ADAMTSL1: variants seen among roughly 807,000 people sequenced by gnomAD.
The protein encoded by ADAMTSL1 is ADAMTS-like protein 1.
In ADAMTSL1, 126 loss-of-function variants were observed where a neutral mutation model predicts 201.8. The observed-to-expected ratio is 0.62, with a 90% confidence interval of 0.54 to 0.72. ADAMTSL1 has a LOEUF of 0.72. Among genes scored for constraint, ADAMTSL1 ranks in the 30% least tolerant of loss-of-function variants. The probability of loss-of-function intolerance (pLI) is 0.00; values close to 1 mark genes in which losing one functional copy is unlikely to be tolerated. For synonymous variants in ADAMTSL1, 1,121 were observed against 903.4 expected (o/e 1.24, Z -4.32); for missense variants, 2,679 against 2,277.8 (o/e 1.18, Z -3.59).
intron 1 of ADAMTSL1, among the ~76,000 whole-genome samples, chr9:18,036,693 C>T (rs1236203093): frequency 1.6e-4 from 25 of 152,144 alleles, no homozygotes; most frequent in Non-Finnish European, 2.9e-5. Flanking sequence ...CAGATATCTT[C>T]GTTTGGTAAA....
At chr9:18,710,854 C>T (rs1354731819) in intron 14 of ADAMTSL1, among the ~76,000 whole-genome samples, 1 of 151,920 alleles carries the variant, frequency 6.6e-6, no homozygotes, top group Non-Finnish European at 1.5e-5. Flanking sequence ...CATTGTTAAA[C>T]AAAACAGCAA....
At chr9:18,579,339 C>G (rs1428998526) in intron 4 of ADAMTSL1, among the ~76,000 whole-genome samples, 1 of 106,844 alleles carries the variant, frequency 9.4e-6, no homozygotes, top group South Asian at 3.3e-4. Context: ...ACGCTGGGGA[C>G]TGTGGTGGGG....
chr9:18,485,133 A>G (rs1821922134), intron 1 of ADAMTSL1, among the ~76,000 whole-genome samples: 1 of 152,192 alleles, frequency 6.6e-6, no homozygotes, highest in African/African-American at 2.4e-5. Context: ...TGAGGCACAG[A>G]GAGGTTATGT....
chr9:18,007,607 A>T (rs146789905), intron 1 of ADAMTSL1, among the ~76,000 whole-genome samples: 2 of 152,104 alleles, frequency 1.3e-5, no homozygotes, highest in Non-Finnish European at 2.9e-5. Context: ...CCCAGAGTGC[A>T]TGATTTATAC....
chr9:18,087,287 T>C (rs10756931), intron 1 of ADAMTSL1, among the ~76,000 whole-genome samples: 6,061 of 152,240 alleles, frequency 0.04, 413 homozygotes, highest in East Asian at 0.36. Context: ...TTAAGCAAAA[T>C]ATATTTAACA....
intron 2 of ADAMTSL1, among the ~76,000 whole-genome samples, chr9:18,522,382 T>C (rs1818751998): frequency 1.3e-5 from 2 of 152,198 alleles, no homozygotes; most frequent in Non-Finnish European, 2.9e-5. Flanking sequence ...TTCTCTCAGT[T>C]GTTCTCACAA....
chr9:18,417,063 A>C (rs985556069), intron 2 of ADAMTSL1, among the ~76,000 whole-genome samples: 5 of 152,070 alleles, frequency 3.3e-5, no homozygotes, highest in African/African-American at 1.2e-4. Context: ...CAACTCACAC[A>C]AAGTATGTTT....
At chr9:18,262,241 G>A (rs937642236) in intron 2 of ADAMTSL1, among the ~76,000 whole-genome samples, 1 of 152,070 alleles carries the variant, frequency 6.6e-6, no homozygotes, top group Non-Finnish European at 1.5e-5. Flanking sequence ...AGGAGCTAAG[G>A]ATCATATATT....
At chr9:18,403,154 A>ATG (rs1386969608) in intron 2 of ADAMTSL1, among the ~76,000 whole-genome samples, 2 of 150,578 alleles carry the variant, frequency 1.3e-5, no homozygotes, top group African/African-American at 5.0e-5. Context: ...TTTTCTTGTA[A>ATG]TCTTTTTTTT....
intron 2 of ADAMTSL1, among the ~76,000 whole-genome samples, chr9:18,239,641 G>A (rs551591559): frequency 6.6e-6 from 1 of 152,148 alleles, no homozygotes; most frequent in African/African-American, 2.4e-5. Context: ...CTAGCTACTC[G>A]GGAGGCTGAG....
Position 18,908,489 on chromosome 9 carries a change from AAACTCTGCC to A in ADAMTSL1, c.5236_5244del (p.Cys1746_Leu1748del). 1 of 1,564,740 alleles carries A rather than the reference AAACTCTGCC, an allele frequency of 6.4e-7. No individual in the cohort carries two copies. Among genetic ancestry groups the A allele is most frequent in the Non-Finnish European group, 8.7e-7 (1 of 1,154,710 alleles). On this transcript the variant is annotated inframe_deletion, in exon 29 of 29. Coordinates refer to ENST00000380548, the MANE Select transcript of ADAMTSL1 (RefSeq NM_001040272.6). ...GTACTGCGAGAAGGTGAAACAGCTG[AAACTCTGCC>A]AACTCAGCCAGTTTAAATCTCGCTG...
chr9:18,438,315 G>T (rs557539276), intron 2 of ADAMTSL1, among the ~76,000 whole-genome samples: 14 of 152,206 alleles, frequency 9.2e-5, no homozygotes, highest in African/African-American at 3.1e-4. Flanking sequence ...ATAACTTCTG[G>T]TGAAAATGGA....
chr9:18,583,325 C>T (rs527828703), intron 4 of ADAMTSL1, among the ~76,000 whole-genome samples: 3 of 152,320 alleles, frequency 2.0e-5, no homozygotes, highest in South Asian at 4.1e-4. Context: ...AGGGTGCAAG[C>T]CCCATACCTT....
intron 1 of ADAMTSL1, among the ~76,000 whole-genome samples, chr9:17,949,423 G>T (rs1827641927): frequency 6.6e-6 from 1 of 152,208 alleles, no homozygotes; most frequent in Non-Finnish European, 1.5e-5. Context: ...CCACTATTAA[G>T]CAGGGCTTTG....
chr9:18,027,135 T>C (rs1275458523), intron 1 of ADAMTSL1, among the ~76,000 whole-genome samples: 1 of 151,670 alleles, frequency 6.6e-6, no homozygotes, highest in African/African-American at 2.4e-5. Flanking sequence ...AGTGATCTAT[T>C]GAACTTGTTG....
At chr9:17,956,944 G>A (rs985826171) in intron 1 of ADAMTSL1, among the ~76,000 whole-genome samples, 1 of 152,082 alleles carries the variant, frequency 6.6e-6, no homozygotes, top group Non-Finnish European at 1.5e-5. Flanking sequence ...TAGCTTGCAA[G>A]AATTAAAATC....
intron 23 of ADAMTSL1, among the ~76,000 whole-genome samples, chr9:18,878,863 A>T (rs781074561): frequency 6.6e-6 from 1 of 152,164 alleles, no homozygotes; most frequent in Non-Finnish European, 1.5e-5. Flanking sequence ...AGGAGAGGCC[A>T]CAAGGAGCTG....
chr9:18,887,575 G>C (rs1163397273), intron 23 of ADAMTSL1, among the ~76,000 whole-genome samples: 2 of 152,032 alleles, frequency 1.3e-5, no homozygotes, highest in Non-Finnish European at 2.9e-5. Flanking sequence ...TTAGTATAGG[G>C]ACATAAACAG....
rs151261509 is a variant in ADAMTSL1, at chr9:18,474,354, G to GGT, written c.63+70_63+71dup. On this transcript the variant is annotated intron_variant, in intron 1 of 28. Transcript: ENST00000380548. Reference sequence around the variant, plus strand: ...GCCATTGAGTCTGGGTGCTGTTGGGGGTGTGTGTGTGTATGTGTGTTTGTG... The same window carrying GGT: ...GCCATTGAGTCTGGGTGCTGTTGGGGGTGTGTGTGTGTGTATGTGTGTTTGTG... The GGT allele has an allele frequency of 4.2e-5, 65 of 1,542,966 alleles. 1 individual carries two copies. Among genetic ancestry groups the GGT allele is most frequent in the South Asian group, 1.6e-4 (14 of 89,150 alleles).
Sources: allele counts gnomAD v4.1 joint callset (sites outside exome capture counted in the v4.1 genomes callset), GRCh38; gene constraint gnomAD v4.1.1; transcripts MANE v1.5; gene names NCBI Gene and HGNC (gene_info 2026-07-23, HGNC 2026-07-21).